Variants in KSR2 observed in about 807,000 individuals in gnomAD.
The protein encoded by KSR2 is kinase suppressor of ras 2.
Under a neutral mutation model 107.8 loss-of-function variants are expected in KSR2, and 25 were observed. The ratio of observed to expected loss-of-function variants is 0.23; its 90% confidence interval spans 0.17 to 0.32. The LOEUF (loss-of-function observed/expected upper bound fraction) is 0.32. Ranked by LOEUF, KSR2 falls within the 10% of genes least tolerant of loss-of-function variation. The pLI is 1.00. For missense variants in KSR2, 887 were observed against 1,268.9 expected, an observed-to-expected ratio of 0.70 and a Z score of 4.57; for synonymous variants, 480 against 507.0, an observed-to-expected ratio of 0.95 and a Z score of 0.71.
intron 3 of KSR2, among the ~76,000 whole-genome samples, chr12:117,819,310 T>C (rs747859128): frequency 1.2e-4 from 19 of 152,154 alleles, no homozygotes; most frequent in African/African-American, 3.6e-4. Context: ...CAGAGTTTAG[T>C]TGCATTCTTT....
chr12:117,803,390 T>C (rs984921014), intron 3 of KSR2, among the ~76,000 whole-genome samples: 2 of 152,190 alleles, frequency 1.3e-5, no homozygotes, highest in Non-Finnish European at 2.9e-5. Context: ...CCCGACCCCA[T>C]GCTGGGGAGC....
rs144232525 is a variant in KSR2 at position 117,885,824 on chromosome 12, G to A, written c.181-25393C>T. Among the ~76,000 whole-genome samples, 1,205 of 151,994 alleles carry A rather than the reference G, an allele frequency of 7.9e-3. 17 individuals are homozygous for A. The highest frequency in any genetic ancestry group is 0.026 in the African/African-American group (1,062 of 41,460). Reference sequence around the variant, plus strand: ...CTATGTAACAAACCTGGCCGGGCGCGGTGGCTCACGTCTGTAATCCCAGCA... The same window carrying A: ...CTATGTAACAAACCTGGCCGGGCGCAGTGGCTCACGTCTGTAATCCCAGCA... On this transcript the variant is annotated intron_variant, in intron 1 of 19. Transcript: ENST00000339824.
chr12:117,587,079 A>G (rs1880048259), intron 5 of KSR2, among the ~76,000 whole-genome samples: 1 of 152,200 alleles, frequency 6.6e-6, no homozygotes, highest in Non-Finnish European at 1.5e-5. Flanking sequence ...TATACTGCCA[A>G]GGCCTCCTAC....
At chr12:117,913,285 C>A (rs970437331) in intron 1 of KSR2, among the ~76,000 whole-genome samples, 11 of 152,062 alleles carry the variant, frequency 7.2e-5, no homozygotes, top group Admixed American at 6.6e-4. Flanking sequence ...CGTAAGAGGT[C>A]CCCACTGCAA....
chr12:117,720,389 G>A (rs537898414), intron 4 of KSR2, among the ~76,000 whole-genome samples: 1 of 152,310 alleles, frequency 6.6e-6, no homozygotes, highest in African/African-American at 2.4e-5. Context: ...CACAACACTT[G>A]TATATATAAT....
intron 5 of KSR2, among the ~76,000 whole-genome samples, chr12:117,587,932 C>T (rs971239065): frequency 6.6e-6 from 1 of 152,162 alleles, no homozygotes; most frequent in Non-Finnish European, 1.5e-5. Flanking sequence ...GGCCTCCCCG[C>T]CTCCCTATCC....
chr12:117,888,029 G>A (rs780892225), intron 1 of KSR2, among the ~76,000 whole-genome samples: 35 of 152,172 alleles, frequency 2.3e-4, no homozygotes, highest in Non-Finnish European at 4.6e-4. Context: ...CAAACAGAGT[G>A]TCTTCCACAC....
chr12:117,823,994 C>T (rs879286611), intron 3 of KSR2, among the ~76,000 whole-genome samples: 2 of 152,128 alleles, frequency 1.3e-5, no homozygotes, highest in Non-Finnish European at 2.9e-5. Flanking sequence ...AATATGGACA[C>T]AACCTAAGTA....
intron 7 of KSR2, among the ~76,000 whole-genome samples, chr12:117,565,990 G>A (rs1410050917): frequency 1.3e-5 from 2 of 152,124 alleles, no homozygotes; most frequent in Non-Finnish European, 2.9e-5. Context: ...GGTTCAGGGG[G>A]ACACGTACAG....
chr12:117,702,810 G>A (rs116595095), intron 4 of KSR2, among the ~76,000 whole-genome samples: 2,412 of 152,238 alleles, frequency 0.016, 20 homozygotes, highest in Middle Eastern at 0.02. Flanking sequence ...CCAGTGCACC[G>A]TGGCCCTTTT....
At chr12:117,800,845 G>A (rs1359825106) in intron 3 of KSR2, among the ~76,000 whole-genome samples, 3 of 151,980 alleles carry the variant, frequency 2.0e-5, no homozygotes, top group South Asian at 2.1e-4. Flanking sequence ...GTGAGAACAC[G>A]TGGTGTTTGG....
intron 16 of KSR2, among the ~76,000 whole-genome samples, chr12:117,478,966 T>C (rs1871977700): frequency 6.6e-6 from 1 of 152,236 alleles, no homozygotes; most frequent in Non-Finnish European, 1.5e-5. Flanking sequence ...TGTTTGTTCA[T>C]GTCCTCCCCC....
At chr12:117,799,914 AGAG>A (rs1159217548) in intron 3 of KSR2, among the ~76,000 whole-genome samples, 1 of 152,214 alleles carries the variant, frequency 6.6e-6, no homozygotes, top group Non-Finnish European at 1.5e-5. Context: ...AAAAGGCAGA[AGAG>A]GAGGCCACGT....
chr12:117,549,944 C>A (rs1403582939), intron 9 of KSR2, among the ~76,000 whole-genome samples: 1 of 152,184 alleles, frequency 6.6e-6, no homozygotes, highest in East Asian at 1.9e-4. Flanking sequence ...AGAATTGTTA[C>A]AACAGGAGGG....
rs761760075 is a variant in KSR2, at chr12:117,582,242, T to A, written c.1241+48A>T. On this transcript the variant is annotated intron_variant, in intron 6 of 19. Transcript: ENST00000339824. The stretch of plus-strand genomic sequence containing the variant: ...GGGCAGGGGCCAGAGCCCCCACCCC[T>A]CACAGAGCTGAGAAGTAGGCACCAG... The A allele has an allele frequency of 2.6e-6, 4 of 1,548,226 alleles. No individual in the cohort carries two copies. In the African/African-American group the frequency reaches 5.4e-5, roughly 21 times the overall value.
At chr12:117,627,979 C>G (rs1171836146) in intron 5 of KSR2, among the ~76,000 whole-genome samples, 1 of 152,180 alleles carries the variant, frequency 6.6e-6, no homozygotes, top group Non-Finnish European at 1.5e-5. Flanking sequence ...ACCCTTTCTT[C>G]CACTTGATCG....
intron 10 of KSR2, among the ~76,000 whole-genome samples, chr12:117,535,269 A>ATTC (rs1875960031): frequency 6.6e-6 from 1 of 152,248 alleles, no homozygotes. Context: ...TCATTCATTC[A>ATTC]ACAAACATGT....
rs571947406 is a variant in KSR2, at chr12:117,824,632, G to A, written c.472+30796C>T. Among the ~76,000 whole-genome samples, 40 of 152,012 alleles carry A rather than the reference G, an allele frequency of 2.6e-4. No homozygotes were observed. The East Asian group carries it at 4.8e-3, about 18-fold the overall frequency. On this transcript the variant is annotated intron_variant, in intron 3 of 19. Coordinates refer to ENST00000339824, the MANE Select transcript of KSR2 (RefSeq NM_173598.6). ...AGCACTTTGGGAGGCCGAGGCGGGC[G>A]GATCACGAGGTCAGGAGATCGAGAC...
At position 117,794,307 on chromosome 12, in the gene KSR2, ACACACCAACATGCACT is replaced by A. The variant is rs1566018993; in HGVS notation, c.473-32799_473-32784del. ...CATGCACTCACACACCAACATGCAC[ACACACCAACATGCACT>A]CACACCAACATGCACACTCACACCA... On this transcript the variant is annotated intron_variant, in intron 3 of 19. Coordinates refer to ENST00000339824, the MANE Select transcript of KSR2 (RefSeq NM_173598.6). Among the ~76,000 whole-genome samples the A allele has an allele frequency of 3.1e-3, 126 of 41,176 alleles. 7 individuals carry two copies. The highest frequency in any genetic ancestry group is 5.7e-3 in the African/African-American group (33 of 5,824). 27.0% of individuals were successfully genotyped at this position (41,176 alleles called of 152,430 possible). A position where few individuals can be genotyped will look rare whatever the true frequency, so the allele number is the denominator to read the frequency against.
Sources: allele counts gnomAD v4.1 joint callset (sites outside exome capture counted in the v4.1 genomes callset), GRCh38; gene constraint gnomAD v4.1.1; transcripts MANE v1.5; gene names NCBI Gene and HGNC (gene_info 2026-07-23, HGNC 2026-07-21).